Variants in SYCP1 observed in about 807,000 individuals in gnomAD.
SYCP1 encodes cancer/testis antigen 8.
SYCP1 carries 64 observed loss-of-function variants against 153.1 expected under a neutral mutation model. The observed-to-expected ratio is 0.42, with a 90% confidence interval of 0.34 to 0.51. The LOEUF is 0.51. Ranked by LOEUF, SYCP1 falls within the 20% of genes least tolerant of loss-of-function variation. The pLI is 0.06. For missense variants in SYCP1, 997 were observed against 1,049.0 expected (o/e 0.95, Z 0.68); for synonymous variants, 384 against 341.8 (o/e 1.12, Z -1.36).
chr1:114,980,897 C>T (rs993864683), intron 28 of SYCP1, among the ~76,000 whole-genome samples: 9 of 151,806 alleles, frequency 5.9e-5, no homozygotes, highest in African/African-American at 1.9e-4. Flanking sequence ...AACCTATACC[C>T]GTTAGTTATT....
intron 20 of SYCP1, among the ~76,000 whole-genome samples, chr1:114,920,904 C>G (rs1426131962): frequency 4.6e-5 from 7 of 152,000 alleles, no homozygotes; most frequent in African/African-American, 1.7e-4. Context: ...TAGGCAACAG[C>G]CTGTTGGGTC....
intron 9 of SYCP1, 63 bp from the exon 10 acceptor site, chr1:114,876,006 T>G (rs1665503558): frequency 3.6e-6 from 4 of 1,110,230 alleles, no homozygotes; most frequent in South Asian, 1.7e-5. Context: ...GGTAATATTT[T>G]CATAGTTTGA....
At chr1:114,916,068 G>A (rs979433521) in intron 20 of SYCP1, among the ~76,000 whole-genome samples, 4 of 152,084 alleles carry the variant, frequency 2.6e-5, no homozygotes, top group African/African-American at 9.7e-5. Flanking sequence ...GCTTCCCATA[G>A]GTGTACCCAC....
chr1:114,872,269 C>T (rs1665201939), intron 8 of SYCP1, among the ~76,000 whole-genome samples: 1 of 152,078 alleles, frequency 6.6e-6, no homozygotes, highest in Admixed American at 6.5e-5. Context: ...CAACTTTTGT[C>T]AAAGAAAGTA....
chr1:114,885,690 A>G, intron 13 of SYCP1, 61 bp downstream of exon 13: 2 of 955,442 alleles, frequency 2.1e-6, no homozygotes, highest in Non-Finnish European at 1.6e-6. Context: ...GTCAACAAAT[A>G]TTTATTAAAT....
intron 5 of SYCP1, among the ~76,000 whole-genome samples, chr1:114,858,057 C>T (rs1312579180): frequency 1.3e-5 from 2 of 151,830 alleles, no homozygotes; most frequent in Non-Finnish European, 2.9e-5. Flanking sequence ...CTGATATTTA[C>T]AATATAATGT....
chr1:114,899,043 C>A (rs1485652798), intron 16 of SYCP1, among the ~76,000 whole-genome samples: 1 of 152,166 alleles, frequency 6.6e-6, no homozygotes, highest in Non-Finnish European at 1.5e-5. Flanking sequence ...ATTGGCTCTG[C>A]AAGTCAAGTT....
intron 27 of SYCP1, among the ~76,000 whole-genome samples, chr1:114,959,932 A>G (rs1671676783): frequency 6.6e-6 from 1 of 152,094 alleles, no homozygotes. Context: ...ATTCTTTTTT[A>G]TGGCTGAATA....
chr1:114,915,096 A>C (rs980263266), intron 20 of SYCP1, among the ~76,000 whole-genome samples: 7 of 152,044 alleles, frequency 4.6e-5, no homozygotes, highest in East Asian at 3.8e-4. Context: ...TAAAAAAAAA[A>C]CAAACTAAAA....
chr1:114,975,333 A>AGTGTGTGT (rs10641182), intron 27 of SYCP1, among the ~76,000 whole-genome samples: 6 of 146,470 alleles, frequency 4.1e-5, no homozygotes, highest in African/African-American at 1.0e-4. Context: ...CTCTAAAGTA[A>AGTGTGTGT]GTGTGTGTGT....
intron 16 of SYCP1, among the ~76,000 whole-genome samples, chr1:114,904,866 T>C (rs1667714771): frequency 1.3e-5 from 2 of 152,214 alleles, no homozygotes; most frequent in South Asian, 4.1e-4. Flanking sequence ...TCTCTTGTAT[T>C]TCTAGTTCAC....
chr1:114,969,000 C>T (rs1672313206), intron 27 of SYCP1, among the ~76,000 whole-genome samples: 1 of 152,172 alleles, frequency 6.6e-6, no homozygotes, highest in African/African-American at 2.4e-5. Context: ...CTGGGTATCA[C>T]CAGCGGAGGC....
intron 20 of SYCP1, among the ~76,000 whole-genome samples, chr1:114,922,632 C>A (rs1226174886): frequency 2.6e-5 from 4 of 152,094 alleles, no homozygotes; most frequent in Non-Finnish European, 4.4e-5. Context: ...GGCCCCACCT[C>A]CAATATTGGT....
chr1:114,917,231 G>C (rs1161307395), intron 20 of SYCP1, among the ~76,000 whole-genome samples: 1 of 151,972 alleles, frequency 6.6e-6, no homozygotes, highest in Non-Finnish European at 1.5e-5. Flanking sequence ...TCAAATAAGT[G>C]AACATGCAAA....
At chr1:114,900,794 C>A (rs537196267) in intron 16 of SYCP1, among the ~76,000 whole-genome samples, 1 of 151,434 alleles carries the variant, frequency 6.6e-6, no homozygotes, top group South Asian at 2.1e-4. Flanking sequence ...TTCCATATGT[C>A]CCCATGCCTT....
At chr1:114,870,170 C>T (rs1570666059) in intron 8 of SYCP1, among the ~76,000 whole-genome samples, 1 of 152,148 alleles carries the variant, frequency 6.6e-6, no homozygotes, top group South Asian at 2.1e-4. Flanking sequence ...TGTATCACCA[C>T]TCCTGGCTAA....
chr1:114,914,929 A>G (rs1668419177), intron 20 of SYCP1, among the ~76,000 whole-genome samples: 1 of 152,276 alleles, frequency 6.6e-6, no homozygotes, highest in South Asian at 2.1e-4. Context: ...GCAGACACAC[A>G]CATGCACACA....
chr1:114,990,858 A>T, intron 30 of SYCP1, among the ~76,000 whole-genome samples: 1 of 151,954 alleles, frequency 6.6e-6, no homozygotes, highest in Non-Finnish European at 1.5e-5. Context: ...TTCATTGATA[A>T]ATTCTACCAA....
chr1:114,918,672 A>G (rs1015368776), intron 20 of SYCP1, among the ~76,000 whole-genome samples: 2 of 151,900 alleles, frequency 1.3e-5, no homozygotes, highest in African/African-American at 2.4e-5. Context: ...TTCATTAATC[A>G]GTGTTTTATA....
Sources: allele counts gnomAD v4.1 joint callset (sites outside exome capture counted in the v4.1 genomes callset), GRCh38; gene constraint gnomAD v4.1.1; transcripts MANE v1.5; gene names NCBI Gene and HGNC (gene_info 2026-07-23, HGNC 2026-07-21).